The following SGCZ variants were observed in gnomAD, a reference collection of about 807,000 sequenced individuals.
SGCZ encodes the protein zeta-sarcoglycan.
Under a neutral mutation model 41.3 loss-of-function variants are expected in SGCZ, and 40 were observed. The observed-to-expected ratio is 0.97, with a 90% CI of 0.75 to 1.26. The LOEUF is 1.26. Among genes scored for constraint, SGCZ ranks in the 50% most tolerant of loss-of-function variants. The pLI is 0.00. For missense variants in SGCZ, 552 were observed against 369.8 expected (o/e 1.49, Z -4.04); for synonymous variants, 206 against 137.5 (o/e 1.50, Z -3.49).
At chr8:14,337,721 A>C (rs150687829) in intron 2 of SGCZ, among the ~76,000 whole-genome samples, 7 of 152,316 alleles carry the variant, frequency 4.6e-5, no homozygotes, top group African/African-American at 1.7e-4. Context: ...CCAATTATCA[A>C]GGCCATTAAA....
intron 4 of SGCZ, among the ~76,000 whole-genome samples, chr8:14,179,641 G>A (rs1452136297): frequency 6.6e-6 from 1 of 152,122 alleles, no homozygotes; most frequent in African/African-American, 2.4e-5. Context: ...ACAGGAAATG[G>A]GAAGGTAATC....
In SGCZ at chr8:14,664,311, T is replaced by G. The variant is rs552164672; in HGVS notation, c.40-109385A>C. On this transcript the variant is annotated intron_variant, in intron 1 of 7. Coordinates refer to ENST00000382080, the MANE Select transcript of SGCZ (RefSeq NM_139167.4). ...AACTGAGCCAATCACAAACACAGTT[T>G]GCTGAAGCAGGTGGAATGGGAATCT... Among the ~76,000 whole-genome samples the G allele has an allele frequency of 2.6e-5, 4 of 152,298 alleles. No homozygotes were observed. The South Asian group carries it at 6.2e-4, about 24-fold the overall frequency.
At chr8:14,971,453 C>T (rs1801294452) in intron 1 of SGCZ, among the ~76,000 whole-genome samples, 1 of 151,894 alleles carries the variant, frequency 6.6e-6, no homozygotes, top group African/African-American at 2.4e-5. Context: ...ATTTCTATTC[C>T]TACTTTCCTG....
chr8:14,595,365 T>C (rs756955224), intron 1 of SGCZ, among the ~76,000 whole-genome samples: 3 of 151,408 alleles, frequency 2.0e-5, no homozygotes, highest in Non-Finnish European at 4.4e-5. Flanking sequence ...TCTTTGTGTT[T>C]GTACTCACAT....
intron 4 of SGCZ, among the ~76,000 whole-genome samples, chr8:14,187,151 T>C (rs1050245695): frequency 6.6e-6 from 1 of 152,120 alleles, no homozygotes; most frequent in Admixed American, 6.5e-5. Flanking sequence ...AGGCAAAGGA[T>C]AAAAACAGAC....
At chr8:14,401,705 G>A (rs1421920577) in intron 2 of SGCZ, among the ~76,000 whole-genome samples, 1 of 151,606 alleles carries the variant, frequency 6.6e-6, no homozygotes, top group Non-Finnish European at 1.5e-5. Context: ...CATTTGGGTT[G>A]GTTCCAAGTC....
intron 1 of SGCZ, among the ~76,000 whole-genome samples, chr8:14,650,958 G>A (rs1254054816): frequency 6.6e-6 from 1 of 151,908 alleles, no homozygotes; most frequent in Non-Finnish European, 1.5e-5. Flanking sequence ...AATGCAGAAT[G>A]TCTTATACAT....
chr8:14,405,101 C>T (rs1799175619), intron 2 of SGCZ, among the ~76,000 whole-genome samples: 2 of 152,160 alleles, frequency 1.3e-5, no homozygotes, highest in Non-Finnish European at 2.9e-5. Flanking sequence ...TTCCTTCTCC[C>T]CAGACTCAAA....
At chr8:14,217,483 A>C (rs1449561196) in intron 4 of SGCZ, among the ~76,000 whole-genome samples, 3 of 151,906 alleles carry the variant, frequency 2.0e-5, no homozygotes, top group Non-Finnish European at 4.4e-5. Context: ...GGTGTGGGGA[A>C]CCTCTTTGCA....
Position 14,641,399 on chromosome 8 carries a change from C to A in SGCZ, c.40-86473G>T, listed in dbSNP as rs181853543. ...TTTAATAAATGTTTGTAGAAAAAAT[C>A]GTAACATTTGAAATACCAGGATGTA... is the stretch of plus-strand genomic sequence containing the variant. On this transcript the variant is annotated intron_variant, in intron 1 of 7. Transcript: ENST00000382080. 2.6e-5 allele frequency among the ~76,000 whole-genome samples: 4 copies of A among 151,740 alleles called. No individual in the cohort carries two copies. The East Asian group carries it at 7.8e-4, about 30-fold the overall frequency.
chr8:14,434,970 A>C (rs76197721), intron 2 of SGCZ, among the ~76,000 whole-genome samples: 360 of 152,286 alleles, frequency 2.4e-3, no homozygotes, highest in African/African-American at 6.5e-3. Context: ...CTCAGCCTCC[A>C]AAATGGTAAG....
intron 2 of SGCZ, among the ~76,000 whole-genome samples, chr8:14,489,801 C>T (rs772748054): frequency 3.3e-5 from 5 of 151,550 alleles, no homozygotes. Context: ...GGCCTAATCA[C>T]ATTGACTAAC....
intron 1 of SGCZ, among the ~76,000 whole-genome samples, chr8:15,236,022 C>A (rs1378254137): frequency 6.6e-6 from 1 of 152,168 alleles, no homozygotes; most frequent in Non-Finnish European, 1.5e-5. Context: ...CTAGCCCAGG[C>A]CAAGGTCTAC....
At chr8:15,194,563 T>TGGAA (rs1800657694) in intron 1 of SGCZ, among the ~76,000 whole-genome samples, 1 of 151,964 alleles carries the variant, frequency 6.6e-6, no homozygotes, top group African/African-American at 2.4e-5. Context: ...AGTGGGCCAA[T>TGGAA]GGAATCACGA....
intron 2 of SGCZ, among the ~76,000 whole-genome samples, chr8:14,423,789 G>A (rs1354475351): frequency 6.6e-6 from 1 of 151,620 alleles, no homozygotes; most frequent in Admixed American, 6.6e-5. Context: ...ATCTTTCTCT[G>A]CATCATTTTT....
chr8:14,894,403 G>C (rs1023521062), intron 1 of SGCZ, among the ~76,000 whole-genome samples: 1 of 152,122 alleles, frequency 6.6e-6, no homozygotes, highest in African/African-American at 2.4e-5. Context: ...ATGGTGCAAA[G>C]TGAAAGGAAA....
intron 1 of SGCZ, among the ~76,000 whole-genome samples, chr8:15,059,881 C>T (rs1216486360): frequency 6.6e-6 from 1 of 152,122 alleles, no homozygotes; most frequent in African/African-American, 2.4e-5. Flanking sequence ...TTCTTTCTTA[C>T]CACTGACCAC....
At chr8:14,495,779 G>A (rs897908902) in intron 2 of SGCZ, among the ~76,000 whole-genome samples, 1 of 151,754 alleles carries the variant, frequency 6.6e-6, no homozygotes, top group Non-Finnish European at 1.5e-5. Flanking sequence ...TTAGATAAAC[G>A]TTTTTTTGAA....
intron 1 of SGCZ, among the ~76,000 whole-genome samples, chr8:14,620,434 C>T (rs1306343563): frequency 2.6e-5 from 4 of 152,076 alleles, no homozygotes; most frequent in Non-Finnish European, 5.9e-5. Flanking sequence ...CCAAAATTGA[C>T]AAATGGGATC....
Sources: allele counts gnomAD v4.1 joint callset (sites outside exome capture counted in the v4.1 genomes callset), GRCh38; gene constraint gnomAD v4.1.1; transcripts MANE v1.5; gene names NCBI Gene and HGNC (gene_info 2026-07-23, HGNC 2026-07-21).